SDHC: variants seen among roughly 807,000 people sequenced by gnomAD.
SDHC encodes succinate dehydrogenase cytochrome b560 subunit, mitochondrial.
In SDHC, 11 loss-of-function variants were observed where a neutral mutation model predicts 22.6. That is an observed-to-expected ratio of 0.49 (90% CI 0.31 to 0.81). The LOEUF (loss-of-function observed/expected upper bound fraction) is 0.81, where lower values mean the gene tolerates loss of function less well. SDHC is among the 30% of genes least tolerant of loss of function. SDHC has a pLI of 0.05. For synonymous variants in SDHC, 80 were observed against 77.8 expected (o/e 1.03, Z -0.15); for missense variants, 160 against 212.0 (o/e 0.75, Z 1.52).
chr1:161,317,377 T>C (rs1044243207), intron 1 of SDHC, among the ~76,000 whole-genome samples: 4 of 151,978 alleles, frequency 2.6e-5, no homozygotes, highest in African/African-American at 9.7e-5. Flanking sequence ...TTTACTTATT[T>C]TAATTGGCAA....
intron 4 of SDHC, among the ~76,000 whole-genome samples, chr1:161,342,530 C>CA (rs1558175676): frequency 3.4e-5 from 5 of 145,546 alleles, no homozygotes; most frequent in Non-Finnish European, 7.5e-5. Context: ...TTTTTTGAGA[C>CA]AGAGTTTCGC....
intron 1 of SDHC, among the ~76,000 whole-genome samples, chr1:161,320,849 A>G (rs1323848013): frequency 1.9e-5 from 1 of 52,234 alleles, no homozygotes; most frequent in African/African-American, 1.5e-4. Context: ...TTTTTTTGAG[A>G]TGGAGTCCCG....
At chr1:161,342,731 G>A (rs1383815141) in intron 4 of SDHC, among the ~76,000 whole-genome samples, 1 of 152,068 alleles carries the variant, frequency 6.6e-6, no homozygotes, top group African/African-American at 2.4e-5. Flanking sequence ...CTGACCTCAG[G>A]TAATCTGCCC....
At chr1:161,361,602 G>A (rs1434342297) in intron 5 of SDHC, among the ~76,000 whole-genome samples, 1 of 152,168 alleles carries the variant, frequency 6.6e-6, no homozygotes. Context: ...CATTCTGGGA[G>A]GACAAGGCGG....
chr1:161,330,179 C>T (rs767370435), intron 3 of SDHC, among the ~76,000 whole-genome samples: 5 of 152,178 alleles, frequency 3.3e-5, no homozygotes, highest in Admixed American at 6.6e-5. Context: ...CACCACATCG[C>T]GGTGGCCCCA....
At chr1:161,331,154 T>C (rs189060226) in intron 3 of SDHC, among the ~76,000 whole-genome samples, 277 of 152,252 alleles carry the variant, frequency 1.8e-3, no homozygotes, top group Non-Finnish European at 3.0e-3. Flanking sequence ...ACTAGTAACA[T>C]GCTTAATTTC....
At position 161,362,203 on chromosome 1, in the gene SDHC, C is replaced by T. The variant is rs189648269; in HGVS notation, c.406-126C>T. 61 of 1,173,436 alleles carry T rather than the reference C, an allele frequency of 5.2e-5. No homozygotes were observed. The East Asian group carries it at 1.0e-3, about 20-fold the overall frequency. 72.7% of individuals were successfully genotyped at this position (1,173,436 alleles called of 1,614,324 possible). A position where few individuals can be genotyped will look rare whatever the true frequency, so the allele number is the denominator to read the frequency against. ...TAAAGGTGGGGCATAAGGGTAGAAGCGCTTTTCTCTAGAATCATGCTGAGA... is the reference window on the plus strand; with the variant it reads ...TAAAGGTGGGGCATAAGGGTAGAAGTGCTTTTCTCTAGAATCATGCTGAGA... On this transcript the variant is annotated intron_variant, in intron 5 of 5. Coordinates refer to ENST00000367975, the MANE Select transcript of SDHC (RefSeq NM_003001.5).
chr1:161,336,068 G>A (rs1243530712), intron 3 of SDHC, among the ~76,000 whole-genome samples: 1 of 151,992 alleles, frequency 6.6e-6, no homozygotes, highest in African/African-American at 2.4e-5. Context: ...GAATAATCCT[G>A]TTTGTAGAAA....
At chr1:161,317,178 C>T (rs555203645) in intron 1 of SDHC, among the ~76,000 whole-genome samples, 9 of 152,036 alleles carry the variant, frequency 5.9e-5, no homozygotes, top group Non-Finnish European at 8.8e-5. Context: ...TCTGCCACCA[C>T]GCCACCACGC....
intron 2 of SDHC, among the ~76,000 whole-genome samples, chr1:161,327,213 G>A (rs1258130849): frequency 6.6e-6 from 1 of 152,220 alleles, no homozygotes; most frequent in Non-Finnish European, 1.5e-5. Flanking sequence ...ATAGGCGTGA[G>A]CCACCATGTC....
chr1:161,334,991 C>T lies in SDHC; in HGVS notation c.180-5603C>T, dbSNP rs34241519. Among the ~76,000 whole-genome samples, 328 of 152,190 alleles carry T rather than the reference C, an allele frequency of 2.2e-3. 2 individuals are homozygous for T. The highest frequency in any genetic ancestry group is 3.6e-3 in the Non-Finnish European group (247 of 68,012). On this transcript the variant is annotated intron_variant, in intron 3 of 5. Coordinates refer to ENST00000367975, the MANE Select transcript of SDHC (RefSeq NM_003001.5). ...ATTTTGCCACTTGTCCCATTAATGT[C>T]CTTTATAGGCCTAAGATTGAACCTA...
intron 4 of SDHC, among the ~76,000 whole-genome samples, chr1:161,351,522 T>C (rs1672095339): frequency 2.0e-5 from 3 of 152,242 alleles, no homozygotes. Flanking sequence ...TAGTTAATCT[T>C]ATACCTCTCA....
chr1:161,342,255 G>A (rs1221316693), intron 4 of SDHC, among the ~76,000 whole-genome samples: 2 of 152,168 alleles, frequency 1.3e-5, no homozygotes, highest in African/African-American at 4.8e-5. Context: ...GGGAACTTGT[G>A]TTCTCTCCCA....
chr1:161,347,285 C>T (rs1056414390), intron 4 of SDHC, among the ~76,000 whole-genome samples: 2 of 151,998 alleles, frequency 1.3e-5, no homozygotes, highest in East Asian at 1.9e-4. Context: ...GATGGAGTCT[C>T]GCTCTGTCGG....
Position 161,356,706 on chromosome 1 carries a change from T to C in SDHC, c.271T>C (p.Leu91=). The C allele has an allele frequency of 6.2e-7, 1 of 1,614,016 alleles. No homozygotes were observed. The highest frequency in any genetic ancestry group is 8.5e-7 in the Non-Finnish European group (1 of 1,179,910). The change falls in exon 5 of 6, where the codon TTA becomes CTA. Residue 91 remains leucine (L), a synonymous_variant. Transcript: ENST00000367975. ...CTCTCTTTTTGGCATGTCGGCCCTG[T>C]TACTCCCTGGGAACTTTGAGTCTTA... ...GVSLFGMSAL[L]LPGNFESYLE...
intron 4 of SDHC, among the ~76,000 whole-genome samples, chr1:161,352,820 CA>C (rs1184196726): frequency 6.6e-6 from 1 of 151,754 alleles, no homozygotes; most frequent in Non-Finnish European, 1.5e-5. Context: ...ACTAAAAATA[CA>C]AAAAAATTAG....
chr1:161,339,868 C>T (rs561468739), intron 3 of SDHC, among the ~76,000 whole-genome samples: 1 of 151,662 alleles, frequency 6.6e-6, no homozygotes, highest in Admixed American at 6.6e-5. Flanking sequence ...TCAGTAGAGA[C>T]GGGGTTTCTC....
At chr1:161,355,694 A>T (rs1395748034) in intron 4 of SDHC, among the ~76,000 whole-genome samples, 2 of 152,124 alleles carry the variant, frequency 1.3e-5, no homozygotes, top group Non-Finnish European at 2.9e-5. Flanking sequence ...AGATAAAGAT[A>T]AAAAAAGGGC....
chr1:161,333,569 A>G (rs571482448), intron 3 of SDHC, among the ~76,000 whole-genome samples: 117 of 152,046 alleles, frequency 7.7e-4, no homozygotes, highest in Non-Finnish European at 1.0e-3. Context: ...GCGCCCAACT[A>G]ATTTTTCTAT....
Sources: gnomAD v4.1 joint callset for allele counts (sites outside exome capture counted in the v4.1 genomes callset) on GRCh38, gnomAD v4.1.1 for gene constraint, MANE v1.5 for transcripts, NCBI Gene and HGNC (gene_info 2026-07-23, HGNC 2026-07-21) for gene names.